CDH22: variants seen among roughly 807,000 people sequenced by gnomAD.
CDH22 encodes the protein cadherin-22.
In CDH22, 30 loss-of-function variants were observed where a neutral mutation model predicts 58.4. The observed-to-expected ratio is 0.51, with a 90% CI of 0.38 to 0.70. The LOEUF (loss-of-function observed/expected upper bound fraction) is 0.70. Ranked by LOEUF, CDH22 falls within the 30% of genes least tolerant of loss-of-function variation. The pLI, the probability that CDH22 is intolerant of heterozygous loss-of-function variation, is 0.00. For synonymous variants in CDH22, 513 were observed against 558.2 expected, an observed-to-expected ratio of 0.92 and a Z score of 1.14; for missense variants, 1,014 against 1,233.9, an observed-to-expected ratio of 0.82 and a Z score of 2.67.
At chr20:46,307,601 C>T (rs973807517) in intron 1 of CDH22, among the ~76,000 whole-genome samples, 57 of 152,126 alleles carry the variant, frequency 3.7e-4, no homozygotes, top group Non-Finnish European at 4.3e-4. Context: ...CAGGGGGGGT[C>T]GCGCCGGTGG....
At chr20:46,290,241 A>C (rs1163571360) in intron 1 of CDH22, among the ~76,000 whole-genome samples, 1 of 152,226 alleles carries the variant, frequency 6.6e-6, no homozygotes, top group African/African-American at 2.4e-5. Flanking sequence ...ACAGAAGCTC[A>C]CAATATATAG....
intron 2 of CDH22, among the ~76,000 whole-genome samples, 183 bp downstream of exon 2, chr20:46,250,856 AG>A (rs2086366714): frequency 6.6e-6 from 1 of 152,104 alleles, no homozygotes; most frequent in Non-Finnish European, 1.5e-5. Flanking sequence ...GAAGGAGAGG[AG>A]GGCATGGGGC....
At chr20:46,181,739 C>CCTTT (rs2085787106) in intron 10 of CDH22, among the ~76,000 whole-genome samples, 1 of 82,264 alleles carries the variant, frequency 1.2e-5, no homozygotes, top group Admixed American at 1.4e-4. Flanking sequence ...TTCCTTCCTT[C>CCTTT]CTTCCTTCCT....
intron 1 of CDH22, among the ~76,000 whole-genome samples, chr20:46,269,209 G>A (rs113767089): frequency 2.6e-5 from 4 of 152,064 alleles, no homozygotes; most frequent in South Asian, 2.1e-4. Flanking sequence ...TCAGTGTCCC[G>A]CTCTGCCCCA....
intron 2 of CDH22, among the ~76,000 whole-genome samples, chr20:46,250,059 T>C (rs2086359122): frequency 6.6e-6 from 1 of 152,132 alleles, no homozygotes; most frequent in African/African-American, 2.4e-5. Flanking sequence ...TCACTCACCT[T>C]TTCTCCCCAG....
At chr20:46,292,012 T>G (rs1291953121) in intron 1 of CDH22, among the ~76,000 whole-genome samples, 1 of 152,186 alleles carries the variant, frequency 6.6e-6, no homozygotes, top group African/African-American at 2.4e-5. Context: ...CAAAATCAAC[T>G]GCTCTCCCAC....
At chr20:46,279,782 A>G (rs2086540317) in intron 1 of CDH22, among the ~76,000 whole-genome samples, 1 of 152,208 alleles carries the variant, frequency 6.6e-6, no homozygotes, top group Admixed American at 6.5e-5. Context: ...ATAAAATTAA[A>G]ATTATTTTTA....
At chr20:46,307,489 C>G (rs1178953263) in intron 1 of CDH22, among the ~76,000 whole-genome samples, 2 of 152,210 alleles carry the variant, frequency 1.3e-5, no homozygotes, top group African/African-American at 2.4e-5. Flanking sequence ...TCGGGGGCCC[C>G]GTCCTTCTTC....
At chr20:46,264,063 G>A (rs1275298085) in intron 1 of CDH22, among the ~76,000 whole-genome samples, 1 of 152,144 alleles carries the variant, frequency 6.6e-6, no homozygotes, top group Non-Finnish European at 1.5e-5. Flanking sequence ...GGACGAGGGA[G>A]GGAGAGACAT....
At chr20:46,277,838 T>G (rs2086527413) in intron 1 of CDH22, among the ~76,000 whole-genome samples, 1 of 146,260 alleles carries the variant, frequency 6.8e-6, no homozygotes. Context: ...AGTGGGAGAG[T>G]GAAGCGAAGA....
intron 1 of CDH22, among the ~76,000 whole-genome samples, chr20:46,278,750 T>A (rs2086534146): frequency 6.6e-6 from 1 of 152,040 alleles, no homozygotes; most frequent in South Asian, 2.1e-4. Context: ...CACCTGGCTA[T>A]TAAACAAATT....
At chr20:46,286,143 T>G (rs956433214) in intron 1 of CDH22, among the ~76,000 whole-genome samples, 3 of 151,158 alleles carry the variant, frequency 2.0e-5, no homozygotes, top group Non-Finnish European at 4.4e-5. Context: ...ATGGAGCACT[T>G]ACTGTATGCT....
intron 1 of CDH22, among the ~76,000 whole-genome samples, chr20:46,303,396 C>G (rs1384921161): frequency 6.6e-6 from 1 of 152,218 alleles, no homozygotes; most frequent in Non-Finnish European, 1.5e-5. Flanking sequence ...CGCCCACTGG[C>G]TGTCACAGTT....
At chr20:46,227,423 G>T in intron 4 of CDH22, 85 bp downstream of exon 4, 12 of 1,299,154 alleles carry the variant, frequency 9.2e-6, no homozygotes, top group Non-Finnish European at 1.3e-5. Context: ...AGAAGGCTCA[G>T]AGCAGACGTC....
chr20:46,176,523 G>A (rs1411160087), intron 11 of CDH22, among the ~76,000 whole-genome samples: 1 of 152,234 alleles, frequency 6.6e-6, no homozygotes, highest in Non-Finnish European at 1.5e-5. Flanking sequence ...TGGATGTATA[G>A]GTAAATGATG....
intron 1 of CDH22, among the ~76,000 whole-genome samples, chr20:46,253,122 G>T (rs532031473): frequency 1.3e-5 from 2 of 152,338 alleles, no homozygotes; most frequent in East Asian, 1.9e-4. Flanking sequence ...AACAAAGAAA[G>T]TGGCCTAACT....
intron 1 of CDH22, among the ~76,000 whole-genome samples, chr20:46,297,668 G>A (rs1376795169): frequency 2.0e-5 from 3 of 151,668 alleles, no homozygotes; most frequent in Non-Finnish European, 4.4e-5. Context: ...AGGGGATGGG[G>A]GCTAACATGC....
chr20:46,232,071 G>T (rs1056209362), intron 3 of CDH22, among the ~76,000 whole-genome samples: 3 of 152,180 alleles, frequency 2.0e-5, no homozygotes, highest in South Asian at 2.1e-4. Context: ...GAGGGAGGGG[G>T]CTTGCCTACT....
chr20:46,210,080 G>A lies in CDH22; in HGVS notation c.1286+227C>T, dbSNP rs538681669. The A allele has an allele frequency of 9.1e-4, 398 of 437,986 alleles. 2 individuals are homozygous for A. The highest frequency in any genetic ancestry group is 1.1e-3 in the Admixed American group (25 of 22,494). The allele number at this position is 437,986 out of a possible 1,614,324, so 27.1% of individuals were successfully genotyped here. A position where few individuals can be genotyped will look rare whatever the true frequency, so the allele number is the denominator to read the frequency against. On this transcript the variant is annotated intron_variant, in intron 7 of 11. Coordinates refer to ENST00000537909, the MANE Select transcript of CDH22 (RefSeq NM_021248.3). The surrounding 1 kb of genome is among the most constrained non-coding windows in gnomAD (Gnocchi z 4.5). ...CCTGGTTCTCTCCCTTATTGGCCTG[G>A]CTCGCCTGCCTGTCTCATTGACTGT...
Sources: allele counts gnomAD v4.1 joint callset (sites outside exome capture counted in the v4.1 genomes callset), GRCh38; gene constraint gnomAD v4.1.1; non-coding constraint Gnocchi (gnomAD v3.1); transcripts MANE v1.5; gene names NCBI Gene and HGNC (gene_info 2026-07-23, HGNC 2026-07-21).